The following PTPRT variants were observed in gnomAD, a reference collection of about 807,000 sequenced individuals.
PTPRT encodes the protein protein tyrosine phosphatase receptor type T.
PTPRT carries 56 observed loss-of-function variants against 176.8 expected under a neutral mutation model. The ratio of observed to expected loss-of-function variants is 0.32; its 90% CI spans 0.26 to 0.40. The LOEUF is 0.40. Among genes scored for constraint, PTPRT ranks in the 10% least tolerant of loss-of-function variants. PTPRT has a pLI of 1.00. For missense variants in PTPRT, 1,540 were observed against 1,908.2 expected (o/e 0.81, Z 3.60); for synonymous variants, 783 against 739.0 (o/e 1.06, Z -0.96).
At chr20:42,687,066 A>G (rs1304825149) in intron 6 of PTPRT, 9 of 152,304 alleles carry the variant, frequency 5.9e-5, no homozygotes, top group Non-Finnish European at 1.0e-4. Flanking sequence ...ATACTTTAGA[A>G]CAGTTCCTAC....
intron 2 of PTPRT, among the ~76,000 whole-genome samples, chr20:42,838,144 A>G (rs2078214756): frequency 1.3e-5 from 2 of 152,122 alleles, no homozygotes; most frequent in Admixed American, 1.3e-4. Flanking sequence ...CTCCTGCCTC[A>G]GCCTCCCGAG....
At chr20:42,823,947 CAAAT>C (rs1269725420) in intron 2 of PTPRT, among the ~76,000 whole-genome samples, 1 of 150,618 alleles carries the variant, frequency 6.6e-6, no homozygotes, top group Non-Finnish European at 1.5e-5. Flanking sequence ...GGTTAAAAAA[CAAAT>C]AGATAAAACA....
intron 1 of PTPRT, among the ~76,000 whole-genome samples, chr20:42,917,547 T>C (rs1038213765): frequency 2.0e-5 from 3 of 152,198 alleles, no homozygotes; most frequent in Non-Finnish European, 4.4e-5. Context: ...ATAAATTACA[T>C]TGGGCAGTAT....
intron 13 of PTPRT, among the ~76,000 whole-genome samples, chr20:42,261,075 C>G (rs941410271): frequency 6.6e-6 from 1 of 152,156 alleles, no homozygotes; most frequent in African/African-American, 2.4e-5. Flanking sequence ...TAACCACAAC[C>G]CAAGAGGTTT....
At chr20:43,107,523 C>T (rs935095963) in intron 1 of PTPRT, among the ~76,000 whole-genome samples, 6 of 152,136 alleles carry the variant, frequency 3.9e-5, no homozygotes, top group Non-Finnish European at 8.8e-5. Context: ...GTGGTGTAAC[C>T]GAAAAATTAA....
intron 1 of PTPRT, among the ~76,000 whole-genome samples, chr20:43,183,094 T>C (rs1288369329): frequency 2.0e-5 from 3 of 152,204 alleles, no homozygotes; most frequent in African/African-American, 7.2e-5. Flanking sequence ...TGAACAAAGC[T>C]ACCTAATTGC....
chr20:42,176,716 T>A (rs1990306454), intron 16 of PTPRT, among the ~76,000 whole-genome samples: 1 of 152,188 alleles, frequency 6.6e-6, no homozygotes, highest in Non-Finnish European at 1.5e-5. Flanking sequence ...GAGTAATACT[T>A]AGCTAAACTA....
chr20:42,557,782 C>T (rs940116649), intron 7 of PTPRT, among the ~76,000 whole-genome samples: 8 of 152,138 alleles, frequency 5.3e-5, no homozygotes, highest in African/African-American at 1.9e-4. Context: ...TGTACCTCAC[C>T]TTTGCTTCCT....
At chr20:42,065,259 G>A in the PTPRT span, among the ~76,000 whole-genome samples, 23 of 151,124 alleles carry the variant, frequency 1.5e-4, no homozygotes, top group South Asian at 2.5e-3. Context: ...ACACAGCAAC[G>A]GTAACTGTAA....
At chr20:42,552,249 A>G (rs960030158) in intron 7 of PTPRT, among the ~76,000 whole-genome samples, 2 of 152,190 alleles carry the variant, frequency 1.3e-5, no homozygotes, top group African/African-American at 4.8e-5. Flanking sequence ...TAGGCAAACA[A>G]TACCTCCTTA....
chr20:42,782,219 T>C (rs1419273969), intron 3 of PTPRT, among the ~76,000 whole-genome samples: 1 of 152,178 alleles, frequency 6.6e-6, no homozygotes, highest in African/African-American at 2.4e-5. Context: ...GGGAGGTCTG[T>C]AGGCATTCCT....
intron 9 of PTPRT, among the ~76,000 whole-genome samples, chr20:42,439,915 T>C (rs2059296905): frequency 6.6e-6 from 1 of 152,182 alleles, no homozygotes; most frequent in African/African-American, 2.4e-5. Flanking sequence ...TTGTTTATTT[T>C]TGTTTTGTTT....
chr20:42,640,435 G>A (rs1021710517), intron 7 of PTPRT, among the ~76,000 whole-genome samples: 13 of 151,818 alleles, frequency 8.6e-5, no homozygotes, highest in Admixed American at 2.0e-4. Context: ...TTGCTTTGTC[G>A]CCCAGGCTGG....
chr20:42,774,834 C>T (rs1258692642), intron 4 of PTPRT, among the ~76,000 whole-genome samples: 2 of 152,190 alleles, frequency 1.3e-5, no homozygotes, highest in African/African-American at 4.8e-5. Flanking sequence ...ATCCTTGGCT[C>T]ATGACAGGCA....
chr20:42,955,428 A>G (rs1301562365), intron 1 of PTPRT, among the ~76,000 whole-genome samples: 1 of 152,158 alleles, frequency 6.6e-6, no homozygotes, highest in East Asian at 1.9e-4. Context: ...TGTGGAACAC[A>G]TTCTGGAAAG....
intron 1 of PTPRT, among the ~76,000 whole-genome samples, chr20:43,108,765 A>T (rs913313621): frequency 5.3e-5 from 8 of 152,234 alleles, no homozygotes; most frequent in African/African-American, 1.9e-4. Context: ...CAAAATAAAC[A>T]TCTCACCACA....
At chr20:42,896,354 G>C (rs978840028) in intron 1 of PTPRT, among the ~76,000 whole-genome samples, 2 of 152,034 alleles carry the variant, frequency 1.3e-5, no homozygotes, top group African/African-American at 4.8e-5. Flanking sequence ...AATCAAGATG[G>C]TGCCAGGCGC....
intron 7 of PTPRT, among the ~76,000 whole-genome samples, chr20:42,544,774 G>A (rs898621585): frequency 1.3e-5 from 2 of 152,128 alleles, no homozygotes; most frequent in African/African-American, 2.4e-5. Flanking sequence ...ATACATTCCT[G>A]AGCTTTTAAG....
intron 1 of PTPRT, among the ~76,000 whole-genome samples, chr20:43,069,911 T>G (rs1041152505): frequency 3.3e-5 from 5 of 152,160 alleles, no homozygotes; most frequent in African/African-American, 1.2e-4. Context: ...CCAGGAAAGA[T>G]GTCCTGGAAA....
Sources: allele counts gnomAD v4.1 joint callset (sites outside exome capture counted in the v4.1 genomes callset), GRCh38; gene constraint gnomAD v4.1.1; transcripts MANE v1.5; gene names NCBI Gene and HGNC (gene_info 2026-07-23, HGNC 2026-07-21).